CDH12: variants seen among roughly 807,000 people sequenced by gnomAD.
CDH12 encodes cadherin 12, also known as cadherin-12.
In CDH12, 41 loss-of-function variants were observed where a neutral mutation model predicts 74.1. The ratio of observed to expected loss-of-function variants is 0.55; its 90% confidence interval spans 0.43 to 0.72. The LOEUF is 0.72. CDH12 is among the 30% of genes least tolerant of loss of function. CDH12 has a pLI of 0.00. For synonymous variants in CDH12, 399 were observed against 355.0 expected (o/e 1.12, Z -1.39); for missense variants, 945 against 977.2 (o/e 0.97, Z 0.44).
chr5:22,796,924 CTA>C (rs1326937961), intron 1 of CDH12, among the ~76,000 whole-genome samples: 2 of 152,006 alleles, frequency 1.3e-5, no homozygotes, highest in Non-Finnish European at 2.9e-5. Flanking sequence ...TAAAATAATA[CTA>C]TGATTTAAAA....
chr5:22,484,906 T>C (rs1216197347), intron 2 of CDH12, among the ~76,000 whole-genome samples: 1 of 152,116 alleles, frequency 6.6e-6, no homozygotes, highest in African/African-American at 2.4e-5. Flanking sequence ...ATCCAAAGAC[T>C]CTTGAAGAAT....
At chr5:22,424,515 T>C (rs915466804) in intron 2 of CDH12, among the ~76,000 whole-genome samples, 6 of 152,208 alleles carry the variant, frequency 3.9e-5, no homozygotes, top group Admixed American at 3.9e-4. Context: ...AGAAAGTCTA[T>C]GCAACTGAGC....
At chr5:22,563,649 A>C (rs1286535105) in intron 1 of CDH12, among the ~76,000 whole-genome samples, 2 of 152,030 alleles carry the variant, frequency 1.3e-5, no homozygotes, top group Non-Finnish European at 2.9e-5. Context: ...ATATTGTCTT[A>C]TTTTATTTAA....
intron 5 of CDH12, among the ~76,000 whole-genome samples, chr5:21,980,530 C>T (rs912108090): frequency 6.6e-6 from 1 of 152,002 alleles, no homozygotes; most frequent in Non-Finnish European, 1.5e-5. Context: ...GTGAATTGTT[C>T]TCTGTGCTCC....
intron 3 of CDH12, among the ~76,000 whole-genome samples, chr5:22,271,624 T>C (rs945496382): frequency 7.9e-5 from 12 of 152,188 alleles, no homozygotes; most frequent in African/African-American, 2.9e-4. Context: ...GTGAGATATT[T>C]CTTAAATAAT....
At chr5:22,299,651 G>T (rs984077288) in intron 3 of CDH12, among the ~76,000 whole-genome samples, 3 of 152,070 alleles carry the variant, frequency 2.0e-5, no homozygotes, top group African/African-American at 7.2e-5. Flanking sequence ...TGCCAGGTGT[G>T]ATTTCCCAGG....
intron 2 of CDH12, among the ~76,000 whole-genome samples, chr5:22,429,633 A>G (rs1385994292): frequency 2.6e-5 from 4 of 152,186 alleles, no homozygotes; most frequent in Non-Finnish European, 4.4e-5. Context: ...TTATCACTTA[A>G]TAAACCCTCC....
At chr5:21,897,446 C>T (rs554738480) in intron 6 of CDH12, among the ~76,000 whole-genome samples, 7 of 152,206 alleles carry the variant, frequency 4.6e-5, no homozygotes, top group East Asian at 3.9e-4. Context: ...ATGTCTGTTA[C>T]GTTGAATGAA....
Position 22,586,506 on chromosome 5 carries a change from A to ATATATATAT in CDH12, c.-522-81143_-522-81142insATATATATA, listed in dbSNP as rs1366866807. On this transcript the variant is annotated intron_variant, in intron 1 of 14. Transcript: ENST00000382254. ...GTATAATAAAATATATATATATATA[A>ATATATATAT]ATAAAAATAAAACTTGAAGTAAAAT... Among the ~76,000 whole-genome samples the ATATATATAT allele has an allele frequency of 3.7e-3, 476 of 129,076 alleles. 2 individuals are homozygous for ATATATATAT. Among genetic ancestry groups the ATATATATAT allele is most frequent in the African/African-American group, 0.014 (460 of 33,942 alleles). 84.7% of individuals were successfully genotyped at this position (129,076 alleles called of 152,430 possible).
rs557421187 is a variant in CDH12, at chr5:22,074,988, G to C, written c.231+3458C>G. Among the ~76,000 whole-genome samples, 132 of 151,732 alleles carry C rather than the reference G, an allele frequency of 8.7e-4. 1 individual carries two copies. Among genetic ancestry groups the C allele is most frequent in the Middle Eastern group, 6.8e-3 (2 of 292 alleles). On this transcript the variant is annotated intron_variant, in intron 5 of 14. Coordinates refer to ENST00000382254, the MANE Select transcript of CDH12 (RefSeq NM_004061.5). ...TATACCCAAAGGATTATAAAACATG[G>C]TGCTATAAAGAGACATGCACACGTA... is the stretch of plus-strand genomic sequence containing the variant.
chr5:22,773,488 A>C (rs1332651432), intron 1 of CDH12, among the ~76,000 whole-genome samples: 1 of 152,168 alleles, frequency 6.6e-6, no homozygotes, highest in African/African-American at 2.4e-5. Context: ...CACCATATAT[A>C]ATAACTAACT....
chr5:21,882,460 A>G lies in CDH12; in HGVS notation c.527-27670T>C, dbSNP rs1033969415. 4 of 651,406 alleles carry G rather than the reference A, an allele frequency of 6.1e-6. No homozygotes were observed. The African/African-American group carries it at 7.2e-5, about 12-fold the overall frequency. 40.4% of individuals were successfully genotyped at this position (651,406 alleles called of 1,614,324 possible). ...CTCTCATAATTTGGCAGATGTCTGT[A>G]TGTTCCATTTATAGTACAACTGCCA... On this transcript the variant is annotated intron_variant, in intron 6 of 14. Coordinates refer to ENST00000382254, the MANE Select transcript of CDH12 (RefSeq NM_004061.5).
chr5:22,062,271 T>C (rs1430646408), intron 5 of CDH12, among the ~76,000 whole-genome samples: 2 of 152,122 alleles, frequency 1.3e-5, no homozygotes, highest in East Asian at 1.9e-4. Flanking sequence ...AAATAAATTG[T>C]AAAGGAGAGA....
At chr5:21,875,299 G>A (rs1401180348) in intron 6 of CDH12, among the ~76,000 whole-genome samples, 2 of 152,148 alleles carry the variant, frequency 1.3e-5, no homozygotes, top group East Asian at 1.9e-4. Context: ...ACATAAAATG[G>A]GAGTATAGAG....
chr5:21,833,785 GTCA>G (rs1749375309), intron 8 of CDH12, among the ~76,000 whole-genome samples: 1 of 151,710 alleles, frequency 6.6e-6, no homozygotes, highest in Non-Finnish European at 1.5e-5. Flanking sequence ...TCCAAGCTAT[GTCA>G]GTTGAAACAG....
At chr5:21,765,724 A>G (rs1294555559) in intron 11 of CDH12, among the ~76,000 whole-genome samples, 2 of 152,128 alleles carry the variant, frequency 1.3e-5, no homozygotes, top group Non-Finnish European at 2.9e-5. Context: ...ACTTCCTAGT[A>G]TCAGAAAGAC....
At chr5:22,431,026 C>A (rs1209608405) in intron 2 of CDH12, among the ~76,000 whole-genome samples, 2 of 152,044 alleles carry the variant, frequency 1.3e-5, no homozygotes, top group African/African-American at 4.8e-5. Context: ...TGCTTATATT[C>A]CTGCAGTAGC....
At chr5:22,114,997 C>A (rs1745009483) in intron 4 of CDH12, among the ~76,000 whole-genome samples, 1 of 152,176 alleles carries the variant, frequency 6.6e-6, no homozygotes, top group South Asian at 2.1e-4. Context: ...AATCTTGAGG[C>A]CAACAATCCA....
chr5:22,158,399 G>A (rs1435122156), intron 4 of CDH12, among the ~76,000 whole-genome samples: 1 of 152,004 alleles, frequency 6.6e-6, no homozygotes, highest in Admixed American at 6.6e-5. Context: ...CAAGTCAGTT[G>A]TCTTGTTAAG....
Sources: gnomAD v4.1 joint callset for allele counts (sites outside exome capture counted in the v4.1 genomes callset) on GRCh38, gnomAD v4.1.1 for gene constraint, MANE v1.5 for transcripts, NCBI Gene and HGNC (gene_info 2026-07-23, HGNC 2026-07-21) for gene names.